The following SPECC1 variants were observed in gnomAD, a reference collection of about 807,000 sequenced individuals.
SPECC1 encodes the protein sperm antigen with calponin homology and coiled-coil domains 1.
A neutral mutation model predicts 104.1 loss-of-function variants in SPECC1; 62 were observed. That is an observed-to-expected ratio of 0.60 (90% confidence interval 0.49 to 0.74). SPECC1 has a LOEUF of 0.74. SPECC1 is among the 30% of genes least tolerant of loss of function. The pLI is 0.00. For missense variants in SPECC1, 1,306 were observed against 1,310.5 expected, an observed-to-expected ratio of 1.00 and a Z score of 0.05; for synonymous variants, 513 against 501.6, an observed-to-expected ratio of 1.02 and a Z score of -0.30.
chr17:20,065,409 A>G (rs1170286421), intron 1 of SPECC1, among the ~76,000 whole-genome samples: 1 of 152,186 alleles, frequency 6.6e-6, no homozygotes, highest in African/African-American at 2.4e-5. Context: ...GGGTTCAACT[A>G]ATTTGCTGGA....
At chr17:20,283,025 A>G (rs918849079) in intron 12 of SPECC1, among the ~76,000 whole-genome samples, 2 of 149,732 alleles carry the variant, frequency 1.3e-5, no homozygotes, top group Non-Finnish European at 3.0e-5. Context: ...AGAAAAGATG[A>G]AAAAAAAAAT....
At chr17:20,246,210 G>A (rs1416747234) in intron 8 of SPECC1, 139 bp downstream of exon 8, 1 of 958,760 alleles carries the variant, frequency 1.0e-6, no homozygotes, top group Non-Finnish European at 1.5e-6. Context: ...ACCACGTGCA[G>A]CCACTGCATG....
intron 1 of SPECC1, among the ~76,000 whole-genome samples, chr17:20,028,004 T>C (rs1041776429): frequency 2.6e-5 from 4 of 152,236 alleles, no homozygotes; most frequent in African/African-American, 9.6e-5. Flanking sequence ...CTAACGTCTT[T>C]AAGATTTACC....
At chr17:20,097,185 G>A (rs2047691143) in intron 2 of SPECC1, among the ~76,000 whole-genome samples, 1 of 152,160 alleles carries the variant, frequency 6.6e-6, no homozygotes, top group Non-Finnish European at 1.5e-5. Context: ...CAGCATGGAC[G>A]CTGTTGATTA....
intron 3 of SPECC1, among the ~76,000 whole-genome samples, chr17:20,164,515 G>A (rs2033472451): frequency 6.6e-6 from 1 of 151,996 alleles, no homozygotes; most frequent in Non-Finnish European, 1.5e-5. Flanking sequence ...AATAAACAGA[G>A]ATCTCTGACA....
At chr17:20,055,264 C>CT (rs34705944) in intron 1 of SPECC1, among the ~76,000 whole-genome samples, 2,122 of 148,262 alleles carry the variant, frequency 0.014, 50 homozygotes, top group African/African-American at 0.048. Flanking sequence ...ATAGAATTTC[C>CT]TTTTTTTTTT....
intron 3 of SPECC1, among the ~76,000 whole-genome samples, chr17:20,124,066 G>A (rs1265826208): frequency 2.6e-5 from 4 of 152,232 alleles, no homozygotes; most frequent in East Asian, 1.9e-4. Context: ...TTGAGAGGCC[G>A]GAAGGTGGGT....
chr17:20,137,166 A>G (rs528553671), intron 3 of SPECC1, among the ~76,000 whole-genome samples: 5 of 152,300 alleles, frequency 3.3e-5, no homozygotes, highest in Admixed American at 6.5e-5. Flanking sequence ...TTCAGTTTCT[A>G]TATATGCCCT....
intron 12 of SPECC1, among the ~76,000 whole-genome samples, chr17:20,273,029 C>G (rs1206971848): frequency 6.6e-6 from 1 of 152,180 alleles, no homozygotes; most frequent in Non-Finnish European, 1.5e-5. Flanking sequence ...GCGTATGAGG[C>G]CTGCGACTAT....
intron 1 of SPECC1, among the ~76,000 whole-genome samples, chr17:20,034,785 A>G (rs1316642717): frequency 2.6e-5 from 4 of 151,606 alleles, no homozygotes; most frequent in Non-Finnish European, 5.9e-5. Flanking sequence ...TTGTATTTTT[A>G]GTAGAGATGG....
chr17:20,211,257 T>C (rs1234635267), intron 4 of SPECC1, among the ~76,000 whole-genome samples: 2 of 152,178 alleles, frequency 1.3e-5, no homozygotes, highest in Admixed American at 1.3e-4. Flanking sequence ...AGCTCACACA[T>C]AAGGCATCCC....
chr17:20,185,731 CA>C (rs2035226008), intron 3 of SPECC1, among the ~76,000 whole-genome samples: 1 of 152,216 alleles, frequency 6.6e-6, no homozygotes, highest in South Asian at 2.1e-4. Context: ...TTTGCAGAGC[CA>C]ACCTCCACTA....
At chr17:20,073,408 T>C (rs897444961) in intron 1 of SPECC1, among the ~76,000 whole-genome samples, 1 of 152,164 alleles carries the variant, frequency 6.6e-6, no homozygotes, top group African/African-American at 2.4e-5. Flanking sequence ...AAATTAAGCA[T>C]TGAGGACCAA....
chr17:20,226,361 T>C (rs1004107233), intron 4 of SPECC1, among the ~76,000 whole-genome samples: 1 of 152,200 alleles, frequency 6.6e-6, no homozygotes. Flanking sequence ...ATTACCATGT[T>C]ATAAATGCAG....
chr17:20,091,066 A>G lies in SPECC1; in HGVS notation c.-21-5565A>G, dbSNP rs2047381926. On this transcript the variant is annotated intron_variant, in intron 1 of 14. Coordinates refer to ENST00000395527, the MANE Select transcript of SPECC1 (RefSeq NM_001243439.2). ...TAGCGATGTACAAATGTTCTTTTCC[A>G]TTTAGTTTTTGTTTTTATCACTTCT... 2.0e-5 allele frequency among the ~76,000 whole-genome samples: 3 copies of G among 152,090 alleles called. No homozygotes were observed. The South Asian group carries it at 6.2e-4, about 32-fold the overall frequency.
At chr17:20,173,192 C>A (rs1019318962) in intron 3 of SPECC1, among the ~76,000 whole-genome samples, 5 of 152,164 alleles carry the variant, frequency 3.3e-5, no homozygotes, top group Admixed American at 2.6e-4. Context: ...GAAACAATAA[C>A]TAGAATACAA....
At chr17:20,131,617 G>A (rs888086404) in intron 3 of SPECC1, among the ~76,000 whole-genome samples, 2 of 149,650 alleles carry the variant, frequency 1.3e-5, no homozygotes, top group Non-Finnish European at 3.0e-5. Flanking sequence ...CCTGATCTAC[G>A]TGGAAAGCAT....
At chr17:20,259,435 C>T (rs2526469) in intron 11 of SPECC1, among the ~76,000 whole-genome samples, 115,915 of 152,202 alleles carry the variant, frequency 0.76, 45,364 homozygotes, top group East Asian at 0.99. Context: ...TTTACACTTA[C>T]GTTATTGACA....
intron 1 of SPECC1, among the ~76,000 whole-genome samples, chr17:20,026,233 A>G (rs1046863712): frequency 6.6e-6 from 1 of 151,948 alleles, no homozygotes; most frequent in Non-Finnish European, 1.5e-5. Flanking sequence ...TATGAGGTAC[A>G]GAGTGATAAT....
Sources: allele counts gnomAD v4.1 joint callset (sites outside exome capture counted in the v4.1 genomes callset), GRCh38; gene constraint gnomAD v4.1.1; transcripts MANE v1.5; gene names NCBI Gene and HGNC (gene_info 2026-07-23, HGNC 2026-07-21).